The following TMEM167B variants were observed in gnomAD, a reference collection of about 807,000 sequenced individuals.
TMEM167B encodes the protein transmembrane protein 167B, also known as protein kish-B.
Under a neutral mutation model 9.4 loss-of-function variants are expected in TMEM167B, and 2 were observed. The ratio of observed to expected loss-of-function variants is 0.21; its 90% CI spans 0.09 to 0.67. The LOEUF (loss-of-function observed/expected upper bound fraction) is 0.67, where lower values mean the gene tolerates loss of function less well. TMEM167B is among the 30% of genes least tolerant of loss of function. The probability of loss-of-function intolerance (pLI) is 0.82; values close to 1 mark genes in which losing one functional copy is unlikely to be tolerated. For synonymous variants in TMEM167B, 28 were observed against 32.0 expected, an observed-to-expected ratio of 0.87 and a Z score of 0.42; for missense variants, 68 against 87.6, an observed-to-expected ratio of 0.78 and a Z score of 0.89.
chr1:109,092,775 G>T (rs1338696520), intron 1 of TMEM167B, 115 bp from the exon 2 acceptor site: 1 of 1,196,350 alleles, frequency 8.4e-7, no homozygotes, highest in Non-Finnish European at 1.2e-6. Flanking sequence ...ACTGCCTGTT[G>T]AGGTTATTAT....
chr1:109,096,755 G>A lies in TMEM167B; in HGVS notation c.*2256G>A, dbSNP rs555367934. On this transcript the variant is annotated 3_prime_UTR_variant, in exon 3 of 3. Transcript: ENST00000338272. ...AAGTTATAGAATGTTATTCCTCTGGGGGAATCTTTTACAGGTGGAGGAATG... is the reference window on the plus strand; with the variant it reads ...AAGTTATAGAATGTTATTCCTCTGGAGGAATCTTTTACAGGTGGAGGAATG... The A allele has an allele frequency of 1.3e-5, 2 of 152,096 alleles. No individual in the cohort carries two copies. The highest frequency in any genetic ancestry group is 4.8e-5 in the African/African-American group (2 of 41,406). The allele number at this position is 152,096 out of a possible 1,614,324, so 9.4% of individuals were successfully genotyped here. A position where few individuals can be genotyped will look rare whatever the true frequency, so the allele number is the denominator to read the frequency against.
chr1:109,090,934 C>A (rs377487644), intron 1 of TMEM167B, 52 bp downstream of exon 1: 6 of 1,556,824 alleles, frequency 3.9e-6, no homozygotes, highest in East Asian at 2.4e-5. Flanking sequence ...GAAGGGAAAA[C>A]GTGGCGGGCG....
chr1:109,094,310 A>T (rs1166204857), intron 2 of TMEM167B, 107 bp from the exon 3 acceptor site: 3 of 1,093,490 alleles, frequency 2.7e-6, no homozygotes, highest in Non-Finnish European at 4.1e-6. Flanking sequence ...CAGGCCCTTG[A>T]GAGCGTTGAT....
At position 109,095,427 on chromosome 1, in the gene TMEM167B, A is replaced by T. The variant is rs553440137; in HGVS notation, c.*928A>T. The T allele has an allele frequency of 7.2e-5, 11 of 152,344 alleles. No individual in the cohort carries two copies. Among genetic ancestry groups the T allele is most frequent in the Admixed American group, 1.3e-4 (2 of 15,298 alleles). The allele number at this position is 152,344 out of a possible 1,614,324, so 9.4% of individuals were successfully genotyped here. A position where few individuals can be genotyped will look rare whatever the true frequency, so the allele number is the denominator to read the frequency against. On this transcript the variant is annotated 3_prime_UTR_variant, in exon 3 of 3. Coordinates refer to ENST00000338272, the MANE Select transcript of TMEM167B (RefSeq NM_020141.4). The stretch of plus-strand genomic sequence containing the variant: ...CAGTTGGGGTAGAAGAAAGAAATCT[A>T]GTATATTGATTCATATACTAGTAAA...
chr1:109,094,711 C>T lies in TMEM167B; in HGVS notation c.*212C>T. The T allele has an allele frequency of 1.7e-6, 1 of 581,404 alleles. No homozygotes were observed. Among genetic ancestry groups the T allele is most frequent in the Non-Finnish European group, 3.1e-6 (1 of 326,444 alleles). 36.0% of individuals were successfully genotyped at this position (581,404 alleles called of 1,614,324 possible). A position where few individuals can be genotyped will look rare whatever the true frequency, so the allele number is the denominator to read the frequency against. ...CTACAGAAAGCCAGCTTCCTTTGAT[C>T]TATGTGTAAATCAGTCCTTGGCAGA... On this transcript the variant is annotated 3_prime_UTR_variant, in exon 3 of 3. Coordinates refer to ENST00000338272, the MANE Select transcript of TMEM167B (RefSeq NM_020141.4).
Position 109,090,809 on chromosome 1 carries a change from C to T in TMEM167B, c.-64C>T, listed in dbSNP as rs1028164892. 6.4e-7 allele frequency: 1 copy of T among 1,556,318 alleles called. No individual in the cohort carries two copies. The highest frequency in any genetic ancestry group is 8.7e-7 in the Non-Finnish European group (1 of 1,148,532). On this transcript the variant is annotated 5_prime_UTR_variant, in exon 1 of 3. Coordinates refer to ENST00000338272, the MANE Select transcript of TMEM167B (RefSeq NM_020141.4). ...GATCGGGAAGTGTCAAGCGGGCGCT[C>T]CCCCATCTCCGCCGCTATTACCACT... is the stretch of plus-strand genomic sequence containing the variant.
rs1055893333 is a variant in TMEM167B at position 109,096,899 on chromosome 1, C to T, written c.*2400C>T. The T allele has an allele frequency of 8.5e-5, 13 of 152,202 alleles. No individual in the cohort carries two copies. The highest frequency in any genetic ancestry group is 1.6e-4 in the Non-Finnish European group (11 of 68,038). 9.4% of individuals were successfully genotyped at this position (152,202 alleles called of 1,614,324 possible). A position where few individuals can be genotyped will look rare whatever the true frequency, so the allele number is the denominator to read the frequency against. On this transcript the variant is annotated 3_prime_UTR_variant, in exon 3 of 3. Transcript: ENST00000338272. ...ACAATTTTTTATTCACCATTGTCTG[C>T]ACAAATCCTTGAAAATAAACCTTTT...
In TMEM167B at chr1:109,096,428, G is replaced by A. The variant is rs1664571120; in HGVS notation, c.*1929G>A. On this transcript the variant is annotated 3_prime_UTR_variant, in exon 3 of 3. Transcript: ENST00000338272. ...TTAATGATTTTTGTTTTCTAATAGGGCAAATGTCTCTAAGCTTGGTGTTTA... is the reference window on the plus strand; with the variant it reads ...TTAATGATTTTTGTTTTCTAATAGGACAAATGTCTCTAAGCTTGGTGTTTA... The A allele has an allele frequency of 1.3e-5, 2 of 152,088 alleles. No homozygotes were observed. Among genetic ancestry groups the A allele is most frequent in the South Asian group, 4.1e-4 (2 of 4,824 alleles). 9.4% of individuals were successfully genotyped at this position (152,088 alleles called of 1,614,324 possible).
intron 1 of TMEM167B, 90 bp from the exon 2 acceptor site, chr1:109,092,798 TCA>T (rs1664479410): frequency 2.1e-6 from 3 of 1,435,538 alleles, no homozygotes; most frequent in Admixed American, 4.0e-5. Flanking sequence ...TGTTATTATG[TCA>T]CACACTATCT....
At position 109,095,305 on chromosome 1, in the gene TMEM167B, T is replaced by G. The variant is rs1325753053; in HGVS notation, c.*806T>G. The G allele has an allele frequency of 6.6e-6, 1 of 152,226 alleles. No homozygotes were observed. The highest frequency in any genetic ancestry group is 6.5e-5 in the Admixed American group (1 of 15,274). The allele number at this position is 152,226 out of a possible 1,614,324, so 9.4% of individuals were successfully genotyped here. ...TATTTCGTAAAACCTTTTTATATTT[T>G]CTAAATTTACTTAGTGCTAAATACT... On this transcript the variant is annotated 3_prime_UTR_variant, in exon 3 of 3. Coordinates refer to ENST00000338272, the MANE Select transcript of TMEM167B (RefSeq NM_020141.4).
rs1276139386 is a variant in TMEM167B at position 109,090,878 on chromosome 1, G to A, written c.6G>A (p.Thr2=). 2.5e-6 allele frequency: 4 copies of A among 1,594,942 alleles called. No homozygotes were observed. The highest frequency in any genetic ancestry group is 4.5e-5 in the East Asian group (2 of 44,002). ...CAGGTCCAGGGCCAGCCGCCATGACGAACGGTGAGAACTGATGCCCTGAGC... is the reference window on the plus strand; with the variant it reads ...CAGGTCCAGGGCCAGCCGCCATGACAAACGGTGAGAACTGATGCCCTGAGC... M[T]NVYSLDGILV... is the part of the protein sequence containing the mutation. The change falls in exon 1 of 3, where the codon ACG becomes ACA. Residue 2 remains threonine, a synonymous_variant. Transcript: ENST00000338272.
chr1:109,093,785 C>T (rs1664507060), intron 2 of TMEM167B: 1 of 152,014 alleles, frequency 6.6e-6, no homozygotes, highest in Admixed American at 6.6e-5. Flanking sequence ...TGAAAAAGGA[C>T]AAAATATAAA....
At chr1:109,092,009 G>A (rs1664461381) in intron 1 of TMEM167B, among the ~76,000 whole-genome samples, 1 of 152,206 alleles carries the variant, frequency 6.6e-6, no homozygotes, top group South Asian at 2.1e-4. Context: ...TGACACGGTA[G>A]TTGCTGAATA....
In TMEM167B at chr1:109,096,299, AAG is replaced by A. The variant is rs1181583545; in HGVS notation, c.*1805_*1806del. 1 of 152,216 alleles carries A rather than the reference AAG, an allele frequency of 6.6e-6. No individual in the cohort carries two copies. The highest frequency in any genetic ancestry group is 1.5e-5 in the Non-Finnish European group (1 of 68,038). The allele number at this position is 152,216 out of a possible 1,614,324, so 9.4% of individuals were successfully genotyped here. Reference sequence around the variant, plus strand: ...AGAAAGGAAATCTAGTGGAACAGGAAAGAGAGTTACACCTTGTGGGTGTGAGT... The same window carrying A: ...AGAAAGGAAATCTAGTGGAACAGGAAAGAGTTACACCTTGTGGGTGTGAGT... On this transcript the variant is annotated 3_prime_UTR_variant, in exon 3 of 3. Coordinates refer to ENST00000338272, the MANE Select transcript of TMEM167B (RefSeq NM_020141.4).
At position 109,090,790 on chromosome 1, in the gene TMEM167B, G is replaced by C. The variant is rs1664427960; in HGVS notation, c.-83G>C. 6.6e-7 allele frequency: 1 copy of C among 1,522,418 alleles called. No homozygotes were observed. Among genetic ancestry groups the C allele is most frequent in the South Asian group, 1.2e-5 (1 of 83,574 alleles). 94.3% of individuals were successfully genotyped at this position (1,522,418 alleles called of 1,614,324 possible). The stretch of plus-strand genomic sequence containing the variant: ...TTCCAGTCACCTCGGCCCGGATCGG[G>C]AAGTGTCAAGCGGGCGCTCCCCCAT... On this transcript the variant is annotated 5_prime_UTR_variant, in exon 1 of 3. Coordinates refer to ENST00000338272, the MANE Select transcript of TMEM167B (RefSeq NM_020141.4).
In TMEM167B at chr1:109,092,989, A is replaced by G. The variant is rs1196857685; in HGVS notation, c.110A>G (p.Glu37Gly). ...CGTCTCAAAACCTGGCTGCTATCAG[A>G]GAAGAAGGGTGTTTGGGGTGTGTTT... ...VPRLKTWLLS[E>G]KKGVWGVFYK... Residue 37 changes from glutamate to glycine, a missense_variant, in exon 2 of 3, where the codon GAG becomes GGG. By Grantham distance (98) the Glu-to-Gly change is moderately conservative. Coordinates refer to ENST00000338272, the MANE Select transcript of TMEM167B (RefSeq NM_020141.4). The G allele has an allele frequency of 6.2e-7, 1 of 1,613,992 alleles. No individual in the cohort carries two copies.
intron 1 of TMEM167B, among the ~76,000 whole-genome samples, chr1:109,091,176 G>A (rs1664440824): frequency 6.6e-6 from 1 of 152,160 alleles, no homozygotes; most frequent in African/African-American, 2.4e-5. Context: ...GTCAGTCCCA[G>A]AGGTACTACT....
At chr1:109,090,982 C>T in intron 1 of TMEM167B, 100 bp downstream of exon 1, 1 of 1,413,482 alleles carries the variant, frequency 7.1e-7, no homozygotes, top group African/African-American at 1.4e-5. Flanking sequence ...CCGCCCCCTC[C>T]CAGCCCGGCC....
intron 2 of TMEM167B, 98 bp downstream of exon 2, chr1:109,093,119 C>T: frequency 2.0e-6 from 3 of 1,494,564 alleles, no homozygotes; most frequent in Non-Finnish European, 2.7e-6. Context: ...TATTTGGTTT[C>T]ATTTTTAGAA....
Sources: gnomAD v4.1 joint callset for allele counts (sites outside exome capture counted in the v4.1 genomes callset) on GRCh38, gnomAD v4.1.1 for gene constraint, MANE v1.5 for transcripts, NCBI Gene and HGNC (gene_info 2026-07-23, HGNC 2026-07-21) for gene names.